The following LRRC2 variants were observed in gnomAD, a reference collection of about 807,000 sequenced individuals.
LRRC2 encodes leucine-rich repeat-containing protein 2.
LRRC2 carries 27 observed loss-of-function variants against 40.2 expected under a neutral mutation model. The ratio of observed to expected loss-of-function variants is 0.67; its 90% CI spans 0.49 to 0.93. The LOEUF is 0.93. Ranked by LOEUF, LRRC2 falls within the 40% of genes least tolerant of loss-of-function variation. The pLI, the probability that LRRC2 is intolerant of heterozygous loss-of-function variation, is 0.00. For synonymous variants in LRRC2, 147 were observed against 158.9 expected, an observed-to-expected ratio of 0.92 and a Z score of 0.56; for missense variants, 402 against 439.6, an observed-to-expected ratio of 0.91 and a Z score of 0.76.
intron 3 of LRRC2, among the ~76,000 whole-genome samples, chr3:46,541,222 G>A (rs1969352): frequency 0.29 from 43,861 of 151,306 alleles, 7,039 homozygotes; most frequent in South Asian, 0.46. Flanking sequence ...AGTCCCAGCT[G>A]CTCGGGAGGC....
intron 2 of LRRC2, 135 bp downstream of exon 2, chr3:46,551,332 G>A (rs1426055664): frequency 9.3e-7 from 1 of 1,073,648 alleles, no homozygotes; most frequent in African/African-American, 1.6e-5. Context: ...GTAAGGCTCT[G>A]AAGTTTAATG....
At chr3:46,554,641 T>TAAAAAAAAA (rs34382739) in intron 1 of LRRC2, among the ~76,000 whole-genome samples, 4 of 137,346 alleles carry the variant, frequency 2.9e-5, no homozygotes, top group East Asian at 2.2e-4. Flanking sequence ...GACTCTGTCT[T>TAAAAAAAAA]AAAAAAAAAA....
intron 1 of LRRC2, among the ~76,000 whole-genome samples, chr3:46,562,970 C>A (rs1306996580): frequency 6.6e-6 from 1 of 152,234 alleles, no homozygotes; most frequent in East Asian, 1.9e-4. Flanking sequence ...AGGTGATCTG[C>A]CCGCCTCGGC....
At chr3:46,524,481 G>A (rs1704021910) in intron 7 of LRRC2, among the ~76,000 whole-genome samples, 2 of 152,152 alleles carry the variant, frequency 1.3e-5, no homozygotes, top group African/African-American at 4.8e-5. Context: ...ACACCTCCCT[G>A]TACCGAAATT....
intron 1 of LRRC2, among the ~76,000 whole-genome samples, chr3:46,555,535 T>A (rs1704772788): frequency 6.6e-6 from 1 of 152,164 alleles, no homozygotes; most frequent in Non-Finnish European, 1.5e-5. Flanking sequence ...TTTTCTCTTG[T>A]TTTATGGTTG....
At chr3:46,537,226 C>T (rs955823757) in intron 4 of LRRC2, among the ~76,000 whole-genome samples, 6 of 152,170 alleles carry the variant, frequency 3.9e-5, no homozygotes, top group Non-Finnish European at 5.9e-5. Flanking sequence ...CTCCTGGGCT[C>T]AAGCGATCCT....
rs116076187 is a variant in LRRC2, at chr3:46,523,286, G to A, written c.930-1628C>T. ...ATTTTTAAACCTGCAGAATGTAATC[G>A]TGCTTCTTTGTGAAGCAATAGTCTC... On this transcript the variant is annotated intron_variant, in intron 7 of 8. Coordinates refer to ENST00000395905, the MANE Select transcript of LRRC2 (RefSeq NM_024512.5). Among the ~76,000 whole-genome samples the A allele has an allele frequency of 9.0e-3, 1,362 of 152,034 alleles. 18 individuals carry two copies. Among genetic ancestry groups the A allele is most frequent in the African/African-American group, 0.028 (1,173 of 41,430 alleles).
chr3:46,546,071 T>C (rs1466535817), intron 2 of LRRC2, among the ~76,000 whole-genome samples: 1 of 152,152 alleles, frequency 6.6e-6, no homozygotes, highest in East Asian at 1.9e-4. Context: ...CATTCCACAC[T>C]CAGAAAAGCA....
chr3:46,561,824 C>T (rs1704950696), intron 1 of LRRC2, among the ~76,000 whole-genome samples: 1 of 152,078 alleles, frequency 6.6e-6, no homozygotes. Flanking sequence ...GCCAGGTGGA[C>T]AGGAGCTGAG....
intron 3 of LRRC2, among the ~76,000 whole-genome samples, chr3:46,542,431 A>T (rs1021745181): frequency 7.9e-5 from 12 of 151,900 alleles, no homozygotes; most frequent in African/African-American, 2.9e-4. Flanking sequence ...CAGGAGATAG[A>T]GGCTACAGTG....
At chr3:46,532,948 T>C (rs1704187687) in intron 4 of LRRC2, 39 bp from the exon 5 acceptor site, 1 of 1,590,828 alleles carries the variant, frequency 6.3e-7, no homozygotes, top group Non-Finnish European at 8.5e-7. Context: ...GAATAGGTCG[T>C]TTAAGGTCTT....
intron 1 of LRRC2, among the ~76,000 whole-genome samples, chr3:46,559,959 A>G (rs1440031194): frequency 6.6e-6 from 1 of 152,142 alleles, no homozygotes; most frequent in Non-Finnish European, 1.5e-5. Flanking sequence ...AACATGTATA[A>G]TGAAAACTGG....
intron 6 of LRRC2, 54 bp downstream of exon 6, chr3:46,529,851 T>C: frequency 6.4e-7 from 1 of 1,574,260 alleles, no homozygotes; most frequent in Non-Finnish European, 8.7e-7. Context: ...GTTAACAGTG[T>C]TTGAAGCGTT....
chr3:46,537,424 C>T (rs898895065), intron 4 of LRRC2, among the ~76,000 whole-genome samples: 3 of 152,176 alleles, frequency 2.0e-5, no homozygotes, highest in Non-Finnish European at 4.4e-5. Context: ...AAAAGTAACT[C>T]AGTCCTCAGA....
Position 46,539,122 on chromosome 3 carries a change from G to A in LRRC2, c.413C>T (p.Thr138Ile), listed in dbSNP as rs1704329981. 3 of 1,613,782 alleles carry A rather than the reference G, an allele frequency of 1.9e-6. 1 individual carries two copies. The South Asian group carries it at 3.3e-5, about 18-fold the overall frequency. Residue 138 changes from threonine to isoleucine, a missense_variant, in exon 4 of 9, where the codon ACA becomes ATA. Coordinates refer to ENST00000395905, the MANE Select transcript of LRRC2 (RefSeq NM_024512.5). ...ISNTLIQIIPTYIQLFQAMRI... is the reference protein window; with the variant it reads ...ISNTLIQIIPIYIQLFQAMRI... The stretch of plus-strand genomic sequence containing the variant: ...CATCGCTTGAAATAACTGAATATAT[G>A]TAGGAATGATTTGAATCAAGGTATT...
chr3:46,533,284 C>A (rs1339599790), intron 4 of LRRC2, among the ~76,000 whole-genome samples: 1 of 152,182 alleles, frequency 6.6e-6, no homozygotes, highest in African/African-American at 2.4e-5. Flanking sequence ...TCTCCCAAAG[C>A]CCTCAGACCT....
At chr3:46,558,173 C>CA (rs1408257097) in intron 1 of LRRC2, 94 of 151,714 alleles carry the variant, frequency 6.2e-4, no homozygotes, top group Middle Eastern at 6.8e-3. Context: ...CAGCCCACGC[C>CA]AAAAAAAAGG....
intron 3 of LRRC2, among the ~76,000 whole-genome samples, 183 bp from the exon 4 acceptor site, chr3:46,539,384 C>T (rs1324825446): frequency 6.6e-6 from 1 of 152,200 alleles, no homozygotes; most frequent in Non-Finnish European, 1.5e-5. Context: ...GTCAACTTCA[C>T]AACAGTATAT....
chr3:46,551,544 C>A lies in LRRC2; in HGVS notation c.48G>T (p.Leu16Phe), dbSNP rs1704651966. Residue 16 changes from leucine to phenylalanine, a missense_variant, in exon 2 of 9, where the codon TTG (leucine) becomes TTT (phenylalanine). Coordinates refer to ENST00000395905, the MANE Select transcript of LRRC2 (RefSeq NM_024512.5). ...TGTGCTTCTTGACACGAGTTTCCCA[C>A]AAGGCTCTGATGACAGAAATGTCGA... ...VVFDISVIRALWETRVKKHKA... is the reference protein window; with the variant it reads ...VVFDISVIRAFWETRVKKHKA... The A allele has an allele frequency of 6.2e-7, 1 of 1,614,098 alleles. No homozygotes were observed. The highest frequency in any genetic ancestry group is 2.2e-5 in the East Asian group (1 of 44,884).
Sources: gnomAD v4.1 joint callset for allele counts (sites outside exome capture counted in the v4.1 genomes callset) on GRCh38, gnomAD v4.1.1 for gene constraint, MANE v1.5 for transcripts, NCBI Gene and HGNC (gene_info 2026-07-23, HGNC 2026-07-21) for gene names.